ORC5: variants seen among roughly 807,000 people sequenced by gnomAD.
ORC5 encodes the protein origin recognition complex subunit 5.
Under a neutral mutation model 58.8 loss-of-function variants are expected in ORC5, and 39 were observed. The ratio of observed to expected loss-of-function variants is 0.66; its 90% confidence interval spans 0.51 to 0.87. ORC5 has a LOEUF of 0.87. Among genes scored for constraint, ORC5 ranks in the 40% least tolerant of loss-of-function variants. ORC5 has a pLI of 0.00. For synonymous variants in ORC5, 218 were observed against 177.6 expected (o/e 1.23, Z -1.81); for missense variants, 493 against 506.3 (o/e 0.97, Z 0.25).
chr7:104,130,968 C>CA (rs1325444414), intron 13 of ORC5, among the ~76,000 whole-genome samples: 1 of 152,200 alleles, frequency 6.6e-6, no homozygotes, highest in African/African-American at 2.4e-5. Flanking sequence ...ACTTACCTGG[C>CA]AAAACCCCAG....
At chr7:104,134,709 G>A (rs139299419) in intron 13 of ORC5, among the ~76,000 whole-genome samples, 1 of 152,254 alleles carries the variant, frequency 6.6e-6, no homozygotes, top group East Asian at 1.9e-4. Context: ...GTAAGTCCAG[G>A]GGAAGCAGCA....
At chr7:104,194,832 G>C (rs1456883136) in intron 5 of ORC5, among the ~76,000 whole-genome samples, 2 of 151,702 alleles carry the variant, frequency 1.3e-5, no homozygotes, top group Non-Finnish European at 2.9e-5. Flanking sequence ...AAAAAATGTA[G>C]TAATTATACA....
In ORC5 at chr7:104,192,694, G is replaced by A. The variant is rs536296106; in HGVS notation, c.553+2449C>T. Among the ~76,000 whole-genome samples, 17 of 151,638 alleles carry A rather than the reference G, an allele frequency of 1.1e-4. No individual in the cohort carries two copies. The South Asian group carries it at 1.7e-3, about 15-fold the overall frequency. The stretch of plus-strand genomic sequence containing the variant: ...TACCCAAGATGGAGAAAAATTACTC[G>A]GTGGGAACAAACCCAAAACAAAAGA... On this transcript the variant is annotated intron_variant, in intron 5 of 13. Transcript: ENST00000297431.
At position 104,142,842 on chromosome 7, in the gene ORC5, A is replaced by G. The variant is rs576478755; in HGVS notation, c.1150-5949T>C. ...CACCTTTACTATGAAAAGAAGAGAC[A>G]CAGAAAGGATGGACAGCCAAGGGAT... is the stretch of plus-strand genomic sequence containing the variant. On this transcript the variant is annotated intron_variant, in intron 12 of 13. Coordinates refer to ENST00000297431, the MANE Select transcript of ORC5 (RefSeq NM_002553.4). Among the ~76,000 whole-genome samples the G allele has an allele frequency of 6.6e-5, 10 of 152,298 alleles. No individual in the cohort carries two copies. The South Asian group carries it at 2.1e-3, about 32-fold the overall frequency.
intron 13 of ORC5, among the ~76,000 whole-genome samples, chr7:104,130,621 G>A (rs569466402): frequency 1.1e-3 from 165 of 152,144 alleles, no homozygotes; most frequent in Non-Finnish European, 2.0e-3. Context: ...CAAGACCTGC[G>A]TCAGCCTAGT....
At chr7:104,181,953 T>C (rs1799442693) in intron 8 of ORC5, among the ~76,000 whole-genome samples, 1 of 152,166 alleles carries the variant, frequency 6.6e-6, no homozygotes, top group South Asian at 2.1e-4. Flanking sequence ...TTTTAAAATC[T>C]ATGTGATCAA....
chr7:104,184,188 A>T lies in ORC5; in HGVS notation c.685-17T>A, dbSNP rs1042103515. On this transcript the variant is annotated splice_polypyrimidine_tract_variant and intron_variant, in intron 6 of 13. Coordinates refer to ENST00000297431, the MANE Select transcript of ORC5 (RefSeq NM_002553.4). ...AAGTACTGCCTGTAAGTAAAGAAAAAAAAAGAGAAGAAAAAAAGCACTGAT... is the reference window on the plus strand; with the variant it reads ...AAGTACTGCCTGTAAGTAAAGAAAATAAAAGAGAAGAAAAAAAGCACTGAT... The T allele has an allele frequency of 6.8e-7, 1 of 1,471,432 alleles. No individual in the cohort carries two copies. 91.1% of individuals were successfully genotyped at this position (1,471,432 alleles called of 1,614,324 possible). A position where few individuals can be genotyped will look rare whatever the true frequency, so the allele number is the denominator to read the frequency against.
chr7:104,202,153 G>A (rs140428635), intron 2 of ORC5, among the ~76,000 whole-genome samples: 3 of 152,068 alleles, frequency 2.0e-5, no homozygotes, highest in Non-Finnish European at 4.4e-5. Flanking sequence ...ATCAACATGA[G>A]TTAACTCCAG....
chr7:104,134,383 C>CGA (rs1798557111), intron 13 of ORC5, among the ~76,000 whole-genome samples: 1 of 140,748 alleles, frequency 7.1e-6, no homozygotes, highest in Non-Finnish European at 1.5e-5. Flanking sequence ...CTACTGTACT[C>CGA]CAGCCTGGGC....
chr7:104,171,360 C>T (rs17326034), intron 8 of ORC5, among the ~76,000 whole-genome samples: 19,928 of 152,194 alleles, frequency 0.13, 1,565 homozygotes, highest in Non-Finnish European at 0.18. Context: ...TCAGTAATAA[C>T]AGGTGACTTT....
chr7:104,160,661 C>G (rs1415990049), intron 12 of ORC5, among the ~76,000 whole-genome samples: 1 of 151,954 alleles, frequency 6.6e-6, no homozygotes, highest in Non-Finnish European at 1.5e-5. Flanking sequence ...AAAAGCACAT[C>G]TATCTGCAAA....
chr7:104,200,078 C>G (rs1431519461), intron 3 of ORC5, among the ~76,000 whole-genome samples: 1 of 150,220 alleles, frequency 6.7e-6, no homozygotes, highest in African/African-American at 2.4e-5. Flanking sequence ...GAGGCCTCCC[C>G]AGCCACGCTG....
At chr7:104,173,218 A>G (rs1799249221) in intron 8 of ORC5, among the ~76,000 whole-genome samples, 1 of 152,308 alleles carries the variant, frequency 6.6e-6, no homozygotes, top group East Asian at 1.9e-4. Flanking sequence ...TCAAACTCCG[A>G]ACTGGTACCA....
chr7:104,200,057 A>G (rs989964456), intron 3 of ORC5, among the ~76,000 whole-genome samples: 2 of 152,098 alleles, frequency 1.3e-5, no homozygotes, highest in South Asian at 2.1e-4. Flanking sequence ...TCTGCTGATT[A>G]TAAGTTTCCT....
rs1554355940 is a variant in ORC5, at chr7:104,188,217, CATATAT to C, written c.684+28_684+33del. On this transcript the variant is annotated intron_variant, in intron 6 of 13. Transcript: ENST00000297431. ...GTATACACACACACACACACACACACATATATATATATTCAAGCAAAATGTTCATTT... is the reference window on the plus strand; with the variant it reads ...GTATACACACACACACACACACACACATATATTCAAGCAAAATGTTCATTT... 1.9e-4 allele frequency: 220 copies of C among 1,178,352 alleles called. 3 individuals carry two copies. In the African/African-American group the frequency reaches 2.8e-3, roughly 15 times the overall value. The allele number at this position is 1,178,352 out of a possible 1,614,324, so 73.0% of individuals were successfully genotyped here. A position where few individuals can be genotyped will look rare whatever the true frequency, so the allele number is the denominator to read the frequency against.
chr7:104,185,528 A>G (rs960723886), intron 6 of ORC5, among the ~76,000 whole-genome samples: 1 of 152,196 alleles, frequency 6.6e-6, no homozygotes, highest in Non-Finnish European at 1.5e-5. Context: ...TATGACTCAA[A>G]GTATTTGGAT....
At chr7:104,128,396 CACAG>C (rs1798462199) in intron 13 of ORC5, among the ~76,000 whole-genome samples, 2 of 152,110 alleles carry the variant, frequency 1.3e-5, no homozygotes, top group South Asian at 4.1e-4. Flanking sequence ...GTGCTAGGAT[CACAG>C]GCGTGAGCCA....
chr7:104,172,994 A>AG (rs1222261632), intron 8 of ORC5, among the ~76,000 whole-genome samples: 1 of 152,018 alleles, frequency 6.6e-6, no homozygotes, highest in Non-Finnish European at 1.5e-5. Flanking sequence ...AAAAAAAAAA[A>AG]AAAGGCTTTG....
chr7:104,176,346 C>G (rs1220861974), intron 8 of ORC5, among the ~76,000 whole-genome samples: 1 of 152,120 alleles, frequency 6.6e-6, no homozygotes, highest in Admixed American at 6.5e-5. Context: ...AAGGCATAGA[C>G]AGGGAAAGCC....
Sources: gnomAD v4.1 joint callset for allele counts (sites outside exome capture counted in the v4.1 genomes callset) on GRCh38, gnomAD v4.1.1 for gene constraint, MANE v1.5 for transcripts, NCBI Gene and HGNC (gene_info 2026-07-23, HGNC 2026-07-21) for gene names.